HUWE1: variants seen among roughly 807,000 people sequenced by gnomAD.
HUWE1 encodes the protein HECT, UBA and WWE domain containing E3 ubiquitin protein ligase 1, also known as E3 ubiquitin-protein ligase HUWE1.
Under a neutral mutation model 299.4 loss-of-function variants are expected in HUWE1, and 18 were observed. The observed-to-expected ratio is 0.06, with a 90% CI of 0.04 to 0.09. HUWE1 has a LOEUF of 0.09. Among genes scored for constraint, HUWE1 ranks in the 10% least tolerant of loss-of-function variants. The pLI, the probability that HUWE1 is intolerant of heterozygous loss-of-function variation, is 1.00. For synonymous variants in HUWE1, 1,317 were observed against 1,286.1 expected (o/e 1.02, Z -0.51); for missense variants, 1,832 against 3,462.3 (o/e 0.53, Z 11.82).
At chrX:53,683,706 G>T (rs1557054437) in intron 2 of HUWE1, among the ~76,000 whole-genome samples, 1 of 112,405 alleles carries the variant, frequency 8.9e-6, no homozygotes, top group East Asian at 2.8e-4. Flanking sequence ...CCGGCGTTTC[G>T]CCAATCGTCA....
At chrX:53,621,227 T>C (rs1222794621) in intron 19 of HUWE1, among the ~76,000 whole-genome samples, 5 of 109,774 alleles carry the variant, frequency 4.6e-5, no homozygotes, top group African/African-American at 1.7e-4. Flanking sequence ...GGCCTGAAAA[T>C]ATCTTTGTGG....
At chrX:53,561,677 T>G in intron 55 of HUWE1, 79 bp downstream of exon 55, 1 of 1,197,138 alleles carries the variant, frequency 8.4e-7, no homozygotes, top group Non-Finnish European at 1.1e-6. Flanking sequence ...TCGGATCGGT[T>G]TGGTCCACTG....
intron 49 of HUWE1, among the ~76,000 whole-genome samples, chrX:53,566,457 G>GA (rs1231349645): frequency 3.7e-5 from 4 of 107,700 alleles, no homozygotes; most frequent in East Asian, 2.9e-4. Flanking sequence ...CAAAAATGGG[G>GA]AAAAAAAATT....
intron 78 of HUWE1, 172 bp downstream of exon 78, chrX:53,537,384 G>A: frequency 1.9e-6 from 1 of 540,162 alleles, no homozygotes. Flanking sequence ...AGCAGGGCAG[G>A]CCCAGAAGAT....
chrX:53,587,421 G>A (rs961240939), intron 37 of HUWE1, among the ~76,000 whole-genome samples: 8 of 112,126 alleles, frequency 7.1e-5, no homozygotes, highest in Non-Finnish European at 1.1e-4. Context: ...ATAAATTAGA[G>A]AACATTCAAA....
In HUWE1 at chrX:53,589,937, T is replaced by C. The variant is rs2064066993; in HGVS notation, c.4192-121A>G. The C allele has an allele frequency of 5.2e-6, 4 of 768,751 alleles. No homozygotes were observed. The South Asian group carries it at 7.0e-5, about 13-fold the overall frequency. 63.4% of individuals were successfully genotyped at this position (768,751 alleles called of 1,213,427 possible). A position where few individuals can be genotyped will look rare whatever the true frequency, so the allele number is the denominator to read the frequency against. Reference sequence around the variant, plus strand: ...TACCCTCAACCTTCTCCTCAAGCGGTTGATACTTTCATCCAGGATGTGGCA... The same window carrying C: ...TACCCTCAACCTTCTCCTCAAGCGGCTGATACTTTCATCCAGGATGTGGCA... On this transcript the variant is annotated intron_variant, in intron 35 of 83. Coordinates refer to ENST00000262854, the MANE Select transcript of HUWE1 (RefSeq NM_031407.7).
At chrX:53,563,066 T>A in intron 52 of HUWE1, 137 bp from the exon 53 acceptor site, 1 of 515,822 alleles carries the variant, frequency 1.9e-6, no homozygotes, top group Non-Finnish European at 3.4e-6. Context: ...GATTGTCTGC[T>A]GTCAGCTAGC....
intron 4 of HUWE1, among the ~76,000 whole-genome samples, chrX:53,651,808 A>G (rs2068492766): frequency 9.0e-6 from 1 of 110,754 alleles, no homozygotes; most frequent in African/African-American, 3.3e-5. Context: ...CTCTCCCACC[A>G]TTTCCTGGTA....
At chrX:53,598,256 T>C (rs1248501618) in intron 29 of HUWE1, among the ~76,000 whole-genome samples, 2 of 112,144 alleles carry the variant, frequency 1.8e-5, no homozygotes, top group Non-Finnish European at 3.8e-5. Context: ...TTTTATGATG[T>C]GGACCTTACT....
chrX:53,616,709 A>G (rs2065825229), intron 21 of HUWE1, among the ~76,000 whole-genome samples: 2 of 111,551 alleles, frequency 1.8e-5, no homozygotes, highest in Admixed American at 1.9e-4. Context: ...CCAGATGGTG[A>G]ACCTGGAAAT....
chrX:53,658,929 C>G (rs2068873499), intron 3 of HUWE1, among the ~76,000 whole-genome samples: 2 of 112,809 alleles, frequency 1.8e-5, no homozygotes, highest in Admixed American at 9.3e-5. Flanking sequence ...CACCTCACCA[C>G]AGACAGACAG....
intron 66 of HUWE1, among the ~76,000 whole-genome samples, chrX:53,549,783 G>A (rs1569426050): frequency 9.4e-6 from 1 of 106,346 alleles, no homozygotes; most frequent in Non-Finnish European, 1.9e-5. Context: ...ATGGAGTCTC[G>A]CTCTGTCACC....
chrX:53,608,919 G>A lies in HUWE1; in HGVS notation c.2262-10C>T. On this transcript the variant is annotated splice_polypyrimidine_tract_variant and intron_variant, in intron 23 of 83. Coordinates refer to ENST00000262854, the MANE Select transcript of HUWE1 (RefSeq NM_031407.7). ...CTCTGTACCAACAACCCTGTTAGGG[G>A]AGAAAAGAGTGAGTTACACAGAAAT... The A allele has an allele frequency of 1.9e-6, 2 of 1,079,351 alleles. No homozygotes were observed. Among genetic ancestry groups the A allele is most frequent in the Admixed American group, 4.4e-5 (2 of 45,930 alleles). 89.0% of individuals were successfully genotyped at this position (1,079,351 alleles called of 1,213,427 possible). A position where few individuals can be genotyped will look rare whatever the true frequency, so the allele number is the denominator to read the frequency against.
Position 53,534,685 on chromosome X carries a change from T to C in HUWE1, c.12662A>G (p.Lys4221Arg). The C allele has an allele frequency of 8.3e-7, 1 of 1,210,678 alleles. No individual in the cohort carries two copies. The highest frequency in any genetic ancestry group is 1.1e-6 in the Non-Finnish European group (1 of 894,974). ...CQMRMTGAIR[K>R]QLAAFLEGFY... ...GCCTTCTAAGAAAGCCGCCAACTGC[T>C]TGCGGATGGCTCCTGGTGAGATAAC... The change falls in exon 82 of 84, where the codon AAG becomes AGG. Residue 4221 changes from lysine to arginine, a missense_variant. Coordinates refer to ENST00000262854, the MANE Select transcript of HUWE1 (RefSeq NM_031407.7).
At chrX:53,612,742 T>A (rs782807863) in intron 23 of HUWE1, among the ~76,000 whole-genome samples, 1 of 111,920 alleles carries the variant, frequency 8.9e-6, no homozygotes, top group East Asian at 2.8e-4. Flanking sequence ...AATAAGACAT[T>A]TGAACTAGCC....
chrX:53,608,979 G>A, intron 23 of HUWE1, 70 bp from the exon 24 acceptor site: 2 of 640,544 alleles, frequency 3.1e-6, no homozygotes, highest in Non-Finnish European at 5.3e-6. Context: ...AGAGGAGGAG[G>A]CACTGTATAA....
intron 63 of HUWE1, 22 bp from the exon 64 acceptor site, chrX:53,551,502 A>G (rs2061761318): frequency 8.7e-7 from 1 of 1,144,962 alleles, no homozygotes; most frequent in African/African-American, 1.8e-5. Flanking sequence ...TATAACATGT[A>G]AAGGGATTCA....
intron 40 of HUWE1, 102 bp from the exon 41 acceptor site, chrX:53,584,447 G>A (rs2063764547): frequency 1.5e-6 from 1 of 685,530 alleles, no homozygotes; most frequent in Non-Finnish European, 2.2e-6. Context: ...CAACAGGAAG[G>A]AACTCTGGCA....
At chrX:53,547,356 A>G (rs1339796435) in intron 68 of HUWE1, among the ~76,000 whole-genome samples, 10 of 111,928 alleles carry the variant, frequency 8.9e-5, no homozygotes, top group Non-Finnish European at 3.8e-5. Flanking sequence ...TGAGGATGGA[A>G]CTTAACTTTC....
Sources: gnomAD v4.1 joint callset for allele counts (sites outside exome capture counted in the v4.1 genomes callset) on GRCh38, gnomAD v4.1.1 for gene constraint, MANE v1.5 for transcripts, NCBI Gene and HGNC (gene_info 2026-07-23, HGNC 2026-07-21) for gene names.